Variants in DOK7 observed in about 807,000 individuals in gnomAD.
DOK7 encodes docking protein 7.
Under a neutral mutation model 30.7 loss-of-function variants are expected in DOK7, and 32 were observed. That is an observed-to-expected ratio of 1.04 (90% confidence interval 0.79 to 1.40). The LOEUF (loss-of-function observed/expected upper bound fraction) is 1.40. DOK7 is among the 40% of genes most tolerant of loss of function. The pLI, the probability that DOK7 is intolerant of heterozygous loss-of-function variation, is 0.00. For missense variants in DOK7, 1,007 were observed against 699.2 expected (o/e 1.44, Z -4.97); for synonymous variants, 447 against 324.1 (o/e 1.38, Z -4.07).
At chr4:3,490,310 G>C (rs868265597) in intron 6 of DOK7, among the ~76,000 whole-genome samples, 6,884 of 42,574 alleles carry the variant, frequency 0.16, 484 homozygotes, top group Non-Finnish European at 0.19. Context: ...CCGCCCCCCC[G>C]GCTCATTCTT....
intron 2 of DOK7, among the ~76,000 whole-genome samples, chr4:3,468,176 C>G (rs1490771447): frequency 1.4e-5 from 2 of 143,350 alleles, no homozygotes; most frequent in African/African-American, 5.7e-5. Context: ...ATGTGAATAC[C>G]TGTGTGTGGG....
intron 4 of DOK7, among the ~76,000 whole-genome samples, chr4:3,482,570 G>A (rs1727497389): frequency 6.6e-6 from 1 of 152,270 alleles, no homozygotes; most frequent in Non-Finnish European, 1.5e-5. Context: ...CAGGGAGGGA[G>A]TGGACCAGCC....
intron 4 of DOK7, among the ~76,000 whole-genome samples, chr4:3,483,924 C>T (rs539071597): frequency 4.6e-5 from 7 of 152,330 alleles, no homozygotes; most frequent in South Asian, 2.1e-4. Context: ...CACCCCATCA[C>T]GGCCCTCATG....
At chr4:3,495,541 G>A (rs1728859297), downstream of DOK7, among the ~76,000 whole-genome samples, 1 of 152,254 alleles carries the variant, frequency 6.6e-6, no homozygotes, top group East Asian at 1.9e-4. Flanking sequence ...TCGTGAGTGG[G>A]CCTCGCTCCG....
chr4:3,489,546 G>A (rs1728034722), intron 5 of DOK7, 131 bp from the exon 6 acceptor site: 5 of 1,432,130 alleles, frequency 3.5e-6, no homozygotes, highest in African/African-American at 2.8e-5. Flanking sequence ...GGCATCGGGA[G>A]GAGCGGGGAC....
chr4:3,495,791 C>G (rs909563472), downstream of DOK7, among the ~76,000 whole-genome samples: 2 of 118,880 alleles, frequency 1.7e-5, no homozygotes, highest in Non-Finnish European at 3.5e-5. Context: ...TACCCGCCTG[C>G]CCCCACCGGG....
chr4:3,476,330 G>C lies in DOK7; in HGVS notation c.332-12G>C, dbSNP rs748108662. On this transcript the variant is annotated splice_polypyrimidine_tract_variant and intron_variant, in intron 3 of 6. Transcript: ENST00000340083. ...CCCGCCCGTGATGCCCTCTTGCCCCGCCTGCCCGCAGTGCATAGGTTCCAT... is the reference window on the plus strand; with the variant it reads ...CCCGCCCGTGATGCCCTCTTGCCCCCCCTGCCCGCAGTGCATAGGTTCCAT... 1.5e-6 allele frequency: 2 copies of C among 1,321,482 alleles called. No homozygotes were observed. The highest frequency in any genetic ancestry group is 1.2e-5 in the South Asian group (1 of 84,662). The allele number at this position is 1,321,482 out of a possible 1,614,324, so 81.9% of individuals were successfully genotyped here.
chr4:3,468,976 G>A (rs1235607478), intron 2 of DOK7, among the ~76,000 whole-genome samples: 6 of 149,624 alleles, frequency 4.0e-5, no homozygotes, highest in Admixed American at 6.6e-5. Flanking sequence ...ATGAGTGTAC[G>A]TGTGCCTGTG....
chr4:3,475,223 GC>G (rs773881192), intron 3 of DOK7, among the ~76,000 whole-genome samples: 6 of 152,274 alleles, frequency 3.9e-5, no homozygotes, highest in East Asian at 1.9e-4. Flanking sequence ...GTTCCCTCCA[GC>G]CTGGCTCAGC....
intron 4 of DOK7, among the ~76,000 whole-genome samples, chr4:3,482,165 C>T (rs140993494): frequency 7.9e-4 from 121 of 152,336 alleles, no homozygotes; most frequent in Non-Finnish European, 1.5e-3. Context: ...CCCCCTCCAC[C>T]GCTTACCCTC....
rs185037697 is a variant in DOK7, at chr4:3,479,915, G to A, written c.532+3373G>A. Among the ~76,000 whole-genome samples, 376 of 152,362 alleles carry A rather than the reference G, an allele frequency of 2.5e-3. 1 individual carries two copies. Among genetic ancestry groups the A allele is most frequent in the Middle Eastern group, 0.014 (4 of 294 alleles). On this transcript the variant is annotated intron_variant, in intron 4 of 6. Coordinates refer to ENST00000340083, the MANE Select transcript of DOK7 (RefSeq NM_173660.5). ...CTGGAGCTTGGCCCGAGCGCACTTG[G>A]CACATGGCAGGCGACGGTCTGTGGA... is the stretch of plus-strand genomic sequence containing the variant.
chr4:3,471,588 C>T (rs1030898151), intron 2 of DOK7, among the ~76,000 whole-genome samples: 15 of 152,264 alleles, frequency 9.9e-5, no homozygotes, highest in African/African-American at 1.9e-4. Context: ...CCCCGTCCTG[C>T]GCGGAGCCAC....
At chr4:3,482,880 C>T (rs1437988701) in intron 4 of DOK7, among the ~76,000 whole-genome samples, 1 of 145,540 alleles carries the variant, frequency 6.9e-6, no homozygotes, top group Non-Finnish European at 1.5e-5. Flanking sequence ...GCAAGGTGCT[C>T]AGCCTGGCAG....
At chr4:3,481,561 G>A (rs1309789674) in intron 4 of DOK7, among the ~76,000 whole-genome samples, 1 of 152,074 alleles carries the variant, frequency 6.6e-6, no homozygotes, top group Admixed American at 6.5e-5. Flanking sequence ...CCACTAGGTG[G>A]GGCCACTCCC....
intron 2 of DOK7, among the ~76,000 whole-genome samples, chr4:3,471,112 C>A (rs1726732941): frequency 6.6e-6 from 1 of 152,250 alleles, no homozygotes; most frequent in Non-Finnish European, 1.5e-5. Flanking sequence ...CATGGGTCAC[C>A]TGGTCCCTCT....
At chr4:3,467,576 T>A (rs1311354819) in intron 2 of DOK7, among the ~76,000 whole-genome samples, 2 of 151,362 alleles carry the variant, frequency 1.3e-5, no homozygotes, top group East Asian at 2.0e-4. Context: ...TGTGTGTGTG[T>A]GAGGATGTAC....
intron 2 of DOK7, among the ~76,000 whole-genome samples, chr4:3,468,422 CTG>C (rs988422231): frequency 1.3e-5 from 2 of 148,872 alleles, no homozygotes; most frequent in African/African-American, 2.5e-5. Flanking sequence ...GTGTGTGTGC[CTG>C]TGTGAATGTA....
At chr4:3,467,446 AAG>A (rs1726361108) in intron 2 of DOK7, among the ~76,000 whole-genome samples, 1 of 140,068 alleles carries the variant, frequency 7.1e-6, no homozygotes, top group Non-Finnish European at 1.6e-5. Context: ...GTGTCCAGGG[AAG>A]ACCCCCCCCC....
chr4:3,471,869 G>A (rs1412472471), intron 2 of DOK7, among the ~76,000 whole-genome samples: 8 of 152,226 alleles, frequency 5.3e-5, no homozygotes, highest in Non-Finnish European at 7.3e-5. Context: ...AGCTGTAAAC[G>A]TTTCAGACGC....
Sources: allele counts gnomAD v4.1 joint callset (sites outside exome capture counted in the v4.1 genomes callset), GRCh38; gene constraint gnomAD v4.1.1; transcripts MANE v1.5; gene names NCBI Gene and HGNC (gene_info 2026-07-23, HGNC 2026-07-21).